AOX1: variants seen among roughly 807,000 people sequenced by gnomAD.
AOX1 encodes aldehyde oxidase 1.
In AOX1, 153 loss-of-function variants were observed where a neutral mutation model predicts 169.5. The observed-to-expected ratio is 0.90, with a 90% CI of 0.79 to 1.03. AOX1 has a LOEUF of 1.03. Among genes scored for constraint, AOX1 ranks in the 50% least tolerant of loss-of-function variants. The pLI, the probability that AOX1 is intolerant of heterozygous loss-of-function variation, is 0.00. For missense variants in AOX1, 1,656 were observed against 1,663.9 expected, an observed-to-expected ratio of 1.00 and a Z score of 0.08; for synonymous variants, 562 against 581.9, an observed-to-expected ratio of 0.97 and a Z score of 0.49.
intron 28 of AOX1, among the ~76,000 whole-genome samples, chr2:200,659,610 C>T (rs1285492181): frequency 3.9e-5 from 6 of 152,230 alleles, no homozygotes; most frequent in Admixed American, 3.3e-4. Context: ...TGCAGGACTT[C>T]TGTCTCTCCA....
At chr2:200,638,905 GCTCAA>G in intron 23 of AOX1, among the ~76,000 whole-genome samples, 1 of 36,422 alleles carries the variant, frequency 2.7e-5, no homozygotes, top group African/African-American at 3.4e-4. Flanking sequence ...TCAATATAAT[GCTCAA>G]TATAATCATT....
chr2:200,675,936 C>A (rs542952028), downstream of AOX1, among the ~76,000 whole-genome samples: 1 of 149,080 alleles, frequency 6.7e-6, no homozygotes, highest in South Asian at 2.3e-4. Flanking sequence ...TTTGCACCAA[C>A]CTATAACTTG....
rs116204355 is a variant in AOX1, at chr2:200,658,721, C to T, written c.3172-444C>T. On this transcript the variant is annotated intron_variant, in intron 27 of 34. Coordinates refer to ENST00000374700, the MANE Select transcript of AOX1 (RefSeq NM_001159.4). The stretch of plus-strand genomic sequence containing the variant: ...GTTCATGCCGTTGCTTTTCCAAGGC[C>T]ATCGTCCTTTCTCATAGGAAGCACT... Among the ~76,000 whole-genome samples the T allele has an allele frequency of 4.0e-3, 607 of 152,304 alleles. 5 individuals are homozygous for T. Among genetic ancestry groups the T allele is most frequent in the African/African-American group, 0.014 (595 of 41,572 alleles).
intron 16 of AOX1, among the ~76,000 whole-genome samples, chr2:200,619,859 T>C (rs986309587): frequency 6.6e-6 from 1 of 152,224 alleles, no homozygotes; most frequent in Non-Finnish European, 1.5e-5. Context: ...AAGGCTATTC[T>C]GGTTGAAGTA....
intron 4 of AOX1, 24 bp downstream of exon 4, chr2:200,597,529 A>G (rs766191652): frequency 6.5e-7 from 1 of 1,549,694 alleles, no homozygotes; most frequent in Non-Finnish European, 8.9e-7. Context: ...TCTTCCTTAT[A>G]GGCTTTCTGT....
At chr2:200,659,786 T>TCTCACACACA (rs373271043) in intron 28 of AOX1, among the ~76,000 whole-genome samples, 52 of 96,214 alleles carry the variant, frequency 5.4e-4, no homozygotes, top group African/African-American at 1.8e-3. Flanking sequence ...GTTCTCTCTC[T>TCTCACACACA]CACACACACA....
intron 25 of AOX1, 93 bp downstream of exon 25, chr2:200,642,894 A>G (rs1318703054): frequency 1.6e-6 from 2 of 1,260,310 alleles, no homozygotes; most frequent in African/African-American, 3.0e-5. Context: ...TTTGAGACCC[A>G]GAGGGGCAAA....
chr2:200,629,540 C>A (rs1205318706), intron 20 of AOX1, among the ~76,000 whole-genome samples: 3 of 152,116 alleles, frequency 2.0e-5, no homozygotes, highest in Non-Finnish European at 4.4e-5. Flanking sequence ...GATCCCTGTG[C>A]CCTTTTTTAG....
Position 200,595,330 on chromosome 2 carries a change from G to A in AOX1, c.162G>A (p.Val54=). 1 of 1,613,124 alleles carries A rather than the reference G, an allele frequency of 6.2e-7. No homozygotes were observed. The highest frequency in any genetic ancestry group is 1.1e-5 in the South Asian group (1 of 90,998). The part of the protein sequence containing the change: ...CGGGGCGACT[V]MISRYNPITK... ...GAGGAGGCTGTGGTGCTTGTACAGT[G>A]ATGATATCACGATACAACCCCATCA... The change falls in exon 3 of 35, where the codon GTG becomes GTA. Residue 54 remains valine, a synonymous_variant. Transcript: ENST00000374700.
At chr2:200,618,284 T>C (rs1277700937) in intron 16 of AOX1, among the ~76,000 whole-genome samples, 1 of 152,190 alleles carries the variant, frequency 6.6e-6, no homozygotes, top group African/African-American at 2.4e-5. Context: ...TTCACTGTAT[T>C]ATACTAACTA....
At chr2:200,674,618 C>T (rs2036071899), downstream of AOX1, among the ~76,000 whole-genome samples, 1 of 152,214 alleles carries the variant, frequency 6.6e-6, no homozygotes, top group Non-Finnish European at 1.5e-5. Context: ...CTCTGTCATC[C>T]ATCACCCCAG....
intron 2 of AOX1, among the ~76,000 whole-genome samples, chr2:200,593,544 G>T (rs1233985183): frequency 1.3e-5 from 2 of 152,132 alleles, no homozygotes; most frequent in African/African-American, 4.8e-5. Context: ...ATTAGGAAAA[G>T]AGAGCACAGA....
rs576323162 is a variant in AOX1 at position 200,605,053 on chromosome 2, G to A, written c.814+213G>A. ...ATTCCTCTTGCCTCTTATTGGAGCA[G>A]TGTCAAGAGTTGTACCGAAGGGGCT... On this transcript the variant is annotated intron_variant, in intron 9 of 34. Coordinates refer to ENST00000374700, the MANE Select transcript of AOX1 (RefSeq NM_001159.4). Among the ~76,000 whole-genome samples, 3 of 152,318 alleles carry A rather than the reference G, an allele frequency of 2.0e-5. No homozygotes were observed. In the South Asian group the frequency reaches 6.2e-4, roughly 32 times the overall value.
chr2:200,619,425 C>T (rs1431332513), intron 16 of AOX1, among the ~76,000 whole-genome samples: 5 of 152,126 alleles, frequency 3.3e-5, no homozygotes, highest in African/African-American at 4.8e-5. Flanking sequence ...GTCCCAGTAC[C>T]GAGTGCAATG....
intron 14 of AOX1, 67 bp downstream of exon 14, chr2:200,612,860 T>C: frequency 1.5e-6 from 2 of 1,292,972 alleles, no homozygotes; most frequent in South Asian, 2.9e-5. Flanking sequence ...GAGGAGCCCT[T>C]TTTGTGGTGA....
At chr2:200,654,438 C>T (rs966513032) in intron 26 of AOX1, among the ~76,000 whole-genome samples, 1 of 152,146 alleles carries the variant, frequency 6.6e-6, no homozygotes, top group African/African-American at 2.4e-5. Context: ...CTAGTGTACA[C>T]TTAATAGAGT....
At chr2:200,586,292 G>A in intron 1 of AOX1, 139 bp downstream of exon 1, 1 of 932,090 alleles carries the variant, frequency 1.1e-6, no homozygotes, top group Non-Finnish European at 1.5e-6. Flanking sequence ...CCGTAACAGC[G>A]GCTTTGCCTT....
chr2:200,649,645 T>C (rs1216603356), intron 25 of AOX1, among the ~76,000 whole-genome samples: 1 of 152,222 alleles, frequency 6.6e-6, no homozygotes, highest in Non-Finnish European at 1.5e-5. Context: ...TTTTGGTTCT[T>C]TCAGTCTCAG....
intron 20 of AOX1, among the ~76,000 whole-genome samples, chr2:200,632,463 CTATT>C (rs2035147218): frequency 6.6e-6 from 1 of 151,728 alleles, no homozygotes; most frequent in African/African-American, 2.4e-5. Context: ...ATTGATAATT[CTATT>C]TATTTATTCT....
Sources: gnomAD v4.1 joint callset for allele counts (sites outside exome capture counted in the v4.1 genomes callset) on GRCh38, gnomAD v4.1.1 for gene constraint, MANE v1.5 for transcripts, NCBI Gene and HGNC (gene_info 2026-07-23, HGNC 2026-07-21) for gene names.